Variants in PCDH15 observed in about 807,000 individuals in gnomAD.
PCDH15 encodes protocadherin-15.
Under a neutral mutation model 178.5 loss-of-function variants are expected in PCDH15, and 129 were observed. The observed-to-expected ratio is 0.72, with a 90% confidence interval of 0.63 to 0.84. The LOEUF is 0.84. Among genes scored for constraint, PCDH15 ranks in the 40% least tolerant of loss-of-function variants. The probability of loss-of-function intolerance (pLI) is 0.00; values close to 1 mark genes in which losing one functional copy is unlikely to be tolerated. For synonymous variants in PCDH15, 800 were observed against 732.0 expected (o/e 1.09, Z -1.50); for missense variants, 2,230 against 2,099.9 (o/e 1.06, Z -1.21).
intron 2 of PCDH15, among the ~76,000 whole-genome samples, chr10:55,588,912 T>C (rs1387203979): frequency 6.6e-6 from 1 of 151,714 alleles, no homozygotes; most frequent in Non-Finnish European, 1.5e-5. Context: ...AGAAACTCCA[T>C]CTCTACCAAA....
At chr10:54,307,079 T>TAC (rs1554890887) in intron 8 of PCDH15, among the ~76,000 whole-genome samples, 1 of 9,614 alleles carries the variant, frequency 1.0e-4, no homozygotes, top group African/African-American at 3.8e-4. Context: ...TATATATATA[T>TAC]ACATATATAT....
chr10:53,880,988 ATG>A (rs1011394265), intron 26 of PCDH15, among the ~76,000 whole-genome samples: 5 of 152,082 alleles, frequency 3.3e-5, no homozygotes, highest in African/African-American at 4.8e-5. Flanking sequence ...CTGTATGTGT[ATG>A]TGTGTGTGTT....
chr10:54,924,634 C>G (rs1323867436), intron 2 of PCDH15, among the ~76,000 whole-genome samples: 1 of 151,982 alleles, frequency 6.6e-6, no homozygotes, highest in African/African-American at 2.4e-5. Context: ...TAAAAATAGC[C>G]ATTCTGATTG....
In PCDH15 at chr10:54,162,235, GTTTC is replaced by G. The variant is rs1564568886; in HGVS notation, c.1591-8946_1591-8943del. ...CACAAAGTTTAGATCTTGATTATTT[GTTTC>G]TTTCTTTCTCTTTTAAACCACTGTA... On this transcript the variant is annotated intron_variant, in intron 13 of 37. Transcript: ENST00000644397. 2.0e-5 allele frequency among the ~76,000 whole-genome samples: 3 copies of G among 151,792 alleles called. 1 individual carries two copies. Among genetic ancestry groups the G allele is most frequent in the East Asian group, 3.9e-4 (2 of 5,170 alleles).
intron 2 of PCDH15, among the ~76,000 whole-genome samples, chr10:55,428,419 T>C (rs984483489): frequency 2.7e-4 from 41 of 151,958 alleles, no homozygotes; most frequent in Non-Finnish European, 3.7e-4. Flanking sequence ...TCTTCATTTT[T>C]GTAACAGAAT....
At chr10:53,903,766 T>A (rs1276030313) in intron 25 of PCDH15, among the ~76,000 whole-genome samples, 1 of 152,206 alleles carries the variant, frequency 6.6e-6, no homozygotes, top group Non-Finnish European at 1.5e-5. Context: ...CATAAACTAT[T>A]ATATGAATAT....
At chr10:54,427,496 T>C (rs1215126657) in intron 3 of PCDH15, among the ~76,000 whole-genome samples, 5 of 151,956 alleles carry the variant, frequency 3.3e-5, no homozygotes, top group Non-Finnish European at 5.9e-5. Flanking sequence ...CACGCTTGTA[T>C]TGAACTCCTG....
chr10:54,028,881 A>T (rs1383712331), intron 18 of PCDH15, among the ~76,000 whole-genome samples: 1 of 151,144 alleles, frequency 6.6e-6, no homozygotes, highest in Non-Finnish European at 1.5e-5. Flanking sequence ...TGGCACATGT[A>T]TACATATGTA....
intron 1 of PCDH15, among the ~76,000 whole-genome samples, chr10:54,755,533 A>G (rs767924607): frequency 8.5e-5 from 13 of 152,196 alleles, no homozygotes; most frequent in Non-Finnish European, 1.6e-4. Flanking sequence ...AAATTTATTT[A>G]TAATCCTAGA....
intron 3 of PCDH15, among the ~76,000 whole-genome samples, chr10:54,404,555 A>C (rs568360959): frequency 7.9e-5 from 12 of 152,158 alleles, no homozygotes; most frequent in Non-Finnish European, 1.6e-4. Flanking sequence ...AAAACCAAAA[A>C]CTATAAAAAC....
chr10:54,670,972 T>G (rs2094655424), intron 1 of PCDH15, among the ~76,000 whole-genome samples: 1 of 152,150 alleles, frequency 6.6e-6, no homozygotes, highest in Non-Finnish European at 1.5e-5. Flanking sequence ...AGGTTTCCAT[T>G]CCATCTATGT....
chr10:54,277,040 A>G (rs1201385010), intron 8 of PCDH15, among the ~76,000 whole-genome samples: 5 of 151,630 alleles, frequency 3.3e-5, no homozygotes, highest in African/African-American at 1.2e-4. Context: ...GAAATTCAGC[A>G]CGTTTTTTTT....
chr10:54,827,932 T>G (rs1488916683), intron 3 of PCDH15, among the ~76,000 whole-genome samples: 1 of 152,094 alleles, frequency 6.6e-6, no homozygotes, highest in Non-Finnish European at 1.5e-5. Context: ...TTTTTAAACA[T>G]TATATACCAA....
At chr10:55,393,560 G>T (rs896117807) in intron 2 of PCDH15, among the ~76,000 whole-genome samples, 1 of 152,076 alleles carries the variant, frequency 6.6e-6, no homozygotes, top group Non-Finnish European at 1.5e-5. Context: ...GGAAACAAAA[G>T]TTACCTATGG....
chr10:54,498,974 C>A (rs1431178008), intron 3 of PCDH15, among the ~76,000 whole-genome samples: 2 of 152,068 alleles, frequency 1.3e-5, no homozygotes, highest in Admixed American at 6.6e-5. Flanking sequence ...ACAACCAGAT[C>A]TCATGAGAAC....
intron 3 of PCDH15, among the ~76,000 whole-genome samples, chr10:54,448,777 T>C (rs998241485): frequency 6.6e-6 from 1 of 151,796 alleles, no homozygotes; most frequent in African/African-American, 2.4e-5. Flanking sequence ...TCTGAAAGGC[T>C]AGAAAATGTC....
At chr10:55,527,809 T>G (rs994054740) in intron 2 of PCDH15, among the ~76,000 whole-genome samples, 1 of 152,054 alleles carries the variant, frequency 6.6e-6, no homozygotes, top group African/African-American at 2.4e-5. Context: ...AGTGCATCCA[T>G]TATTAAAAAA....
chr10:54,764,414 T>C (rs1404888466), intron 1 of PCDH15, among the ~76,000 whole-genome samples: 1 of 152,082 alleles, frequency 6.6e-6, no homozygotes, highest in Non-Finnish European at 1.5e-5. Context: ...GCCAGATTCA[T>C]TGTGTTTAGG....
At chr10:54,275,929 A>C (rs2058328094) in intron 8 of PCDH15, among the ~76,000 whole-genome samples, 1 of 151,868 alleles carries the variant, frequency 6.6e-6, no homozygotes, top group Non-Finnish European at 1.5e-5. Flanking sequence ...AAAATATTTC[A>C]GACAATTAAT....
Sources: allele counts gnomAD v4.1 joint callset (sites outside exome capture counted in the v4.1 genomes callset), GRCh38; gene constraint gnomAD v4.1.1; transcripts MANE v1.5; gene names NCBI Gene and HGNC (gene_info 2026-07-23, HGNC 2026-07-21).